Variants in RERE observed in about 807,000 individuals in gnomAD.
RERE encodes arginine-glutamic acid dipeptide repeats.
RERE carries 40 observed loss-of-function variants against 146.1 expected under a neutral mutation model. The observed-to-expected ratio is 0.27, with a 90% confidence interval of 0.21 to 0.36. The LOEUF is 0.36. Ranked by LOEUF, RERE falls within the 10% of genes least tolerant of loss-of-function variation. The pLI, the probability that RERE is intolerant of heterozygous loss-of-function variation, is 1.00. For missense variants in RERE, 1,933 were observed against 2,138.7 expected (o/e 0.90, Z 1.90); for synonymous variants, 1,003 against 866.0 (o/e 1.16, Z -2.78).
rs1644825812 is a variant in RERE, at chr1:8,480,905, T to G, written c.1104+14158A>C. ...ATATCTCAAAACATTTTACCACTCT[T>G]TAACATGGAAAAAAATCATCTGATA... On this transcript the variant is annotated intron_variant, in intron 10 of 22. Coordinates refer to ENST00000400908, the MANE Select transcript of RERE (RefSeq NM_001042681.2). Among the ~76,000 whole-genome samples, 2 of 152,204 alleles carry G rather than the reference T, an allele frequency of 1.3e-5. 1 individual carries two copies. The highest frequency in any genetic ancestry group is 4.1e-4 in the South Asian group (2 of 4,832).
At chr1:8,592,514 C>T (rs1390018390) in intron 4 of RERE, among the ~76,000 whole-genome samples, 3 of 152,034 alleles carry the variant, frequency 2.0e-5, no homozygotes, top group Non-Finnish European at 4.4e-5. Flanking sequence ...TCTAGTGATC[C>T]ACCCGCTTCG....
chr1:8,625,916 C>T lies in RERE; in HGVS notation c.326-1536G>A, dbSNP rs531177120. Among the ~76,000 whole-genome samples, 7 of 152,314 alleles carry T rather than the reference C, an allele frequency of 4.6e-5. No individual in the cohort carries two copies. The East Asian group carries it at 1.3e-3, about 29-fold the overall frequency. ...GAAATCTCAATGCCAACTATTTAGG[C>T]ATTCAGAATTCCCCAACTGATTTCT... On this transcript the variant is annotated intron_variant, in intron 2 of 22. Coordinates refer to ENST00000400908, the MANE Select transcript of RERE (RefSeq NM_001042681.2).
intron 4 of RERE, among the ~76,000 whole-genome samples, chr1:8,587,780 C>T (rs1216416961): frequency 6.6e-6 from 1 of 152,158 alleles, no homozygotes; most frequent in Non-Finnish European, 1.5e-5. Context: ...AATATTCTGC[C>T]TCTATTCTTT....
At chr1:8,368,360 G>C (rs1641899977) in intron 12 of RERE, among the ~76,000 whole-genome samples, 1 of 152,038 alleles carries the variant, frequency 6.6e-6, no homozygotes, top group South Asian at 2.1e-4. Flanking sequence ...TGTATTTCCA[G>C]CTACTCGGGA....
chr1:8,387,800 G>A (rs1642733557), intron 12 of RERE, among the ~76,000 whole-genome samples: 1 of 152,200 alleles, frequency 6.6e-6, no homozygotes, highest in African/African-American at 2.4e-5. Context: ...GTGTTGGCTA[G>A]GATGTGAAGT....
intron 6 of RERE, among the ~76,000 whole-genome samples, chr1:8,542,588 T>TA (rs1474549783): frequency 6.6e-6 from 1 of 152,146 alleles, no homozygotes; most frequent in Non-Finnish European, 1.5e-5. Flanking sequence ...TTTGGGAGGC[T>TA]ACGACAGGAG....
chr1:8,568,561 T>C (rs1557690504), intron 4 of RERE, among the ~76,000 whole-genome samples: 1 of 152,212 alleles, frequency 6.6e-6, no homozygotes, highest in African/African-American at 2.4e-5. Context: ...GAGTCTCTTA[T>C]AAAAACCAGG....
Position 8,366,927 on chromosome 1 carries a change from A to C in RERE, c.1285-953T>G, listed in dbSNP as rs1170399466. On this transcript the variant is annotated intron_variant, in intron 12 of 22. Coordinates refer to ENST00000400908, the MANE Select transcript of RERE (RefSeq NM_001042681.2). ...CTGAAAAAAAAAAACAAAAAAAAAA[A>C]ACAAAAAAAAAAAACCCAAAAAACA... 3.5e-4 allele frequency among the ~76,000 whole-genome samples: 51 copies of C among 144,370 alleles called. 1 individual carries two copies. The highest frequency in any genetic ancestry group is 7.4e-4 in the African/African-American group (28 of 37,622). The allele number at this position is 144,370 out of a possible 152,430, so 94.7% of individuals were successfully genotyped here. A position where few individuals can be genotyped will look rare whatever the true frequency, so the allele number is the denominator to read the frequency against.
chr1:8,701,040 C>G (rs193288540), intron 1 of RERE, among the ~76,000 whole-genome samples: 8 of 152,214 alleles, frequency 5.3e-5, no homozygotes, highest in Admixed American at 2.6e-4. Flanking sequence ...CACAACCAGT[C>G]AAGTCCATAA....
Position 8,541,210 on chromosome 1 carries a change from T to C in RERE, c.830+4A>G, listed in dbSNP as rs1317352695. ...CAATGAATGGACACAAGTGACTCAC[T>C]TACCTTGTCTCAGGGTTATATCCTA... On this transcript the variant is annotated splice_donor_region_variant and intron_variant, in intron 7 of 22. Transcript: ENST00000400908. 8 of 1,509,488 alleles carry C rather than the reference T, an allele frequency of 5.3e-6. No individual in the cohort carries two copies. The highest frequency in any genetic ancestry group is 6.4e-6 in the Non-Finnish European group (7 of 1,088,230). The allele number at this position is 1,509,488 out of a possible 1,614,324, so 93.5% of individuals were successfully genotyped here.
At chr1:8,460,389 T>C (rs933080464) in intron 11 of RERE, among the ~76,000 whole-genome samples, 1 of 152,148 alleles carries the variant, frequency 6.6e-6, no homozygotes, top group African/African-American at 2.4e-5. Flanking sequence ...GGATTACAAA[T>C]ATTTAGAAAA....
At chr1:8,771,555 T>G (rs879657314) in intron 1 of RERE, among the ~76,000 whole-genome samples, 1 of 150,732 alleles carries the variant, frequency 6.6e-6, no homozygotes, top group Non-Finnish European at 1.5e-5. Flanking sequence ...GGAACTTCTA[T>G]TTGCTAAATA....
At chr1:8,627,532 G>A (rs1288797764) in intron 2 of RERE, among the ~76,000 whole-genome samples, 1 of 150,610 alleles carries the variant, frequency 6.6e-6, no homozygotes, top group Non-Finnish European at 1.5e-5. Flanking sequence ...AACCCAGGAG[G>A]CGGAGATAGC....
rs544636938 is a variant in RERE, at chr1:8,406,526, A to G, written c.1284+16201T>C. ...CGCACACACACAAAAGGAGGGTTAA[A>G]TAATGTGATAAGATGTTAATATTTG... is the stretch of plus-strand genomic sequence containing the variant. On this transcript the variant is annotated intron_variant, in intron 12 of 22. Coordinates refer to ENST00000400908, the MANE Select transcript of RERE (RefSeq NM_001042681.2). Among the ~76,000 whole-genome samples, 3 of 152,306 alleles carry G rather than the reference A, an allele frequency of 2.0e-5. No homozygotes were observed. The South Asian group carries it at 6.2e-4, about 32-fold the overall frequency.
chr1:8,466,104 G>C, intron 10 of RERE, 81 bp from the exon 11 acceptor site: 1 of 1,139,674 alleles, frequency 8.8e-7, no homozygotes, highest in African/African-American at 1.5e-5. Flanking sequence ...GCTCCTCATT[G>C]ACTATCTCCC....
chr1:8,646,939 G>A (rs1647337506), intron 2 of RERE, among the ~76,000 whole-genome samples: 1 of 152,140 alleles, frequency 6.6e-6, no homozygotes, highest in African/African-American at 2.4e-5. Context: ...TGGGCAACAT[G>A]GCAAAACCTT....
intron 10 of RERE, among the ~76,000 whole-genome samples, chr1:8,492,774 G>A (rs1283609579): frequency 6.6e-6 from 1 of 152,118 alleles, no homozygotes; most frequent in Non-Finnish European, 1.5e-5. Flanking sequence ...GCATGATGGT[G>A]GGCGTCTATG....
chr1:8,575,383 CTTT>C (rs57789307), intron 4 of RERE, among the ~76,000 whole-genome samples: 1 of 135,502 alleles, frequency 7.4e-6, no homozygotes, highest in Admixed American at 7.5e-5. Context: ...AAAAAGTAAC[CTTT>C]TTTTTTTTTT....
At chr1:8,710,900 T>TA (rs1254827336) in intron 1 of RERE, among the ~76,000 whole-genome samples, 1 of 152,012 alleles carries the variant, frequency 6.6e-6, no homozygotes, top group African/African-American at 2.4e-5. Flanking sequence ...CAAAGTGCTG[T>TA]AATCCCAGCA....
Sources: gnomAD v4.1 joint callset for allele counts (sites outside exome capture counted in the v4.1 genomes callset) on GRCh38, gnomAD v4.1.1 for gene constraint, MANE v1.5 for transcripts, NCBI Gene and HGNC (gene_info 2026-07-23, HGNC 2026-07-21) for gene names.